Variants in PTPRD observed in about 807,000 individuals in gnomAD.
PTPRD encodes the protein receptor-type tyrosine-protein phosphatase delta.
Under a neutral mutation model 214.5 loss-of-function variants are expected in PTPRD, and 34 were observed. The ratio of observed to expected loss-of-function variants is 0.16; its 90% CI spans 0.12 to 0.21. PTPRD has a LOEUF of 0.21. Ranked by LOEUF, PTPRD falls within the 10% of genes least tolerant of loss-of-function variation. PTPRD has a pLI of 1.00. For synonymous variants in PTPRD, 1,128 were observed against 845.7 expected (o/e 1.33, Z -5.79); for missense variants, 2,545 against 2,398.7 (o/e 1.06, Z -1.27).
At chr9:8,836,660 G>C (rs1016609668) in intron 11 of PTPRD, among the ~76,000 whole-genome samples, 1 of 124,276 alleles carries the variant, frequency 8.0e-6, no homozygotes, top group South Asian at 2.7e-4. Flanking sequence ...GCAGTGGCAC[G>C]ATCTCGGCTC....
At chr9:9,249,638 A>C (rs1050168682) in intron 9 of PTPRD, among the ~76,000 whole-genome samples, 1 of 151,974 alleles carries the variant, frequency 6.6e-6, no homozygotes, top group Non-Finnish European at 1.5e-5. Context: ...GGGTTGTCCA[A>C]CTTTATTTGA....
intron 11 of PTPRD, among the ~76,000 whole-genome samples, chr9:8,920,680 C>A (rs1471987111): frequency 6.6e-6 from 1 of 152,186 alleles, no homozygotes; most frequent in African/African-American, 2.4e-5. Context: ...CAATGGGCTG[C>A]GGCCCATGGG....
chr9:9,107,886 C>A (rs567928198), intron 10 of PTPRD, among the ~76,000 whole-genome samples: 6 of 152,130 alleles, frequency 3.9e-5, no homozygotes, highest in African/African-American at 1.2e-4. Flanking sequence ...TCTTTGAAAG[C>A]CTGTGTTGTG....
intron 5 of PTPRD, among the ~76,000 whole-genome samples, chr9:9,826,147 G>A (rs977449771): frequency 6.6e-6 from 1 of 151,568 alleles, no homozygotes; most frequent in African/African-American, 2.4e-5. Flanking sequence ...GTCTTTAATA[G>A]TTTTTACGTC....
intron 3 of PTPRD, among the ~76,000 whole-genome samples, chr9:10,204,485 C>T (rs2099456363): frequency 6.6e-6 from 1 of 152,052 alleles, no homozygotes; most frequent in Non-Finnish European, 1.5e-5. Context: ...GAATTTCCGT[C>T]ATCTAGTTGG....
chr9:10,494,761 T>G lies in PTPRD; in HGVS notation c.-600+117637A>C, dbSNP rs553051179. Among the ~76,000 whole-genome samples, 3 of 151,524 alleles carry G rather than the reference T, an allele frequency of 2.0e-5. 1 individual carries two copies. The highest frequency in any genetic ancestry group is 4.8e-5 in the African/African-American group (2 of 41,480). ...CAGATGAATCTGATTATTTATAAGA[T>G]ATATTAATCATAGTATATTTAATGT... On this transcript the variant is annotated intron_variant, in intron 2 of 45. Transcript: ENST00000381196.
At chr9:9,752,070 C>A (rs2098525988) in intron 6 of PTPRD, among the ~76,000 whole-genome samples, 1 of 151,918 alleles carries the variant, frequency 6.6e-6, no homozygotes, top group African/African-American at 2.4e-5. Flanking sequence ...AGTCAGGAGA[C>A]AATGAAGGAA....
At chr9:9,305,221 T>C (rs1464082259) in intron 9 of PTPRD, among the ~76,000 whole-genome samples, 1 of 151,974 alleles carries the variant, frequency 6.6e-6, no homozygotes, top group Non-Finnish European at 1.5e-5. Flanking sequence ...CTTACCTAGC[T>C]GCAGTTTCAT....
intron 37 of PTPRD, among the ~76,000 whole-genome samples, chr9:8,377,993 A>T (rs1468983419): frequency 6.6e-6 from 1 of 152,098 alleles, no homozygotes; most frequent in East Asian, 1.9e-4. Flanking sequence ...TTCCCAGACA[A>T]GACAAAAAAG....
At chr9:9,946,513 C>G (rs997074807) in intron 4 of PTPRD, among the ~76,000 whole-genome samples, 5 of 152,074 alleles carry the variant, frequency 3.3e-5, no homozygotes, top group African/African-American at 1.2e-4. Context: ...GATTATTAGT[C>G]CCCAGTAGGG....
intron 8 of PTPRD, among the ~76,000 whole-genome samples, chr9:9,434,527 G>T (rs10116903): frequency 1.3e-5 from 2 of 152,146 alleles, no homozygotes; most frequent in South Asian, 4.1e-4. Context: ...ATAAGGTTCT[G>T]AAGTTTATAT....
intron 5 of PTPRD, among the ~76,000 whole-genome samples, chr9:9,831,297 CCTAT>C (rs1473348617): frequency 6.6e-6 from 1 of 151,944 alleles, no homozygotes; most frequent in Non-Finnish European, 1.5e-5. Flanking sequence ...TAAAGCATCT[CCTAT>C]CTCTTTTAGC....
chr9:9,483,503 A>C (rs536505993), intron 8 of PTPRD, among the ~76,000 whole-genome samples: 1 of 152,284 alleles, frequency 6.6e-6, no homozygotes, highest in African/African-American at 2.4e-5. Context: ...AGTTTTCAAC[A>C]GTTGAGTGAC....
chr9:9,153,673 G>A (rs570538407), intron 10 of PTPRD, among the ~76,000 whole-genome samples: 15 of 152,076 alleles, frequency 9.9e-5, no homozygotes, highest in Non-Finnish European at 1.6e-4. Flanking sequence ...TACAAAACAC[G>A]TCTTTCTAAT....
intron 11 of PTPRD, among the ~76,000 whole-genome samples, chr9:8,839,901 AATG>A (rs1207150054): frequency 6.6e-6 from 1 of 152,224 alleles, no homozygotes; most frequent in Non-Finnish European, 1.5e-5. Context: ...TTTATGGTAA[AATG>A]ATAACTGATG....
intron 3 of PTPRD, among the ~76,000 whole-genome samples, chr9:10,217,746 A>G (rs2099548101): frequency 1.3e-5 from 2 of 152,004 alleles, no homozygotes; most frequent in Non-Finnish European, 2.9e-5. Context: ...ATAATGGCCT[A>G]TCATGTGCCC....
chr9:10,273,021 T>C (rs889412930), intron 3 of PTPRD, among the ~76,000 whole-genome samples: 1 of 152,156 alleles, frequency 6.6e-6, no homozygotes, highest in Non-Finnish European at 1.5e-5. Flanking sequence ...ACAGGAAAAA[T>C]TGGCTTTTCC....
chr9:10,509,470 C>CATCTATCT (rs4008059), intron 2 of PTPRD, among the ~76,000 whole-genome samples: 29,408 of 137,236 alleles, frequency 0.21, 3,418 homozygotes, highest in Non-Finnish European at 0.26. Flanking sequence ...TTGATTGATC[C>CATCTATCT]ATCTATCTAT....
At chr9:8,422,240 T>C (rs2094418855) in intron 35 of PTPRD, among the ~76,000 whole-genome samples, 1 of 147,828 alleles carries the variant, frequency 6.8e-6, no homozygotes, top group Admixed American at 6.7e-5. Flanking sequence ...ATAAAATATA[T>C]CACACAAGTT....
Sources: gnomAD v4.1 joint callset for allele counts (sites outside exome capture counted in the v4.1 genomes callset) on GRCh38, gnomAD v4.1.1 for gene constraint, MANE v1.5 for transcripts, NCBI Gene and HGNC (gene_info 2026-07-23, HGNC 2026-07-21) for gene names.